SSBP2: variants seen among roughly 807,000 people sequenced by gnomAD.
The protein encoded by SSBP2 is single-stranded DNA-binding protein 2.
SSBP2 carries 17 observed loss-of-function variants against 61.8 expected under a neutral mutation model. That is an observed-to-expected ratio of 0.28 (90% CI 0.19 to 0.41). SSBP2 has a LOEUF of 0.41. SSBP2 is among the 10% of genes least tolerant of loss of function. SSBP2 has a pLI of 1.00. For missense variants in SSBP2, 310 were observed against 458.7 expected, an observed-to-expected ratio of 0.68 and a Z score of 2.96; for synonymous variants, 139 against 141.3, an observed-to-expected ratio of 0.98 and a Z score of 0.12.
chr5:81,447,328 G>T (rs1221180928), intron 11 of SSBP2, among the ~76,000 whole-genome samples: 1 of 152,106 alleles, frequency 6.6e-6, no homozygotes, highest in African/African-American at 2.4e-5. Flanking sequence ...TCTGCTTATT[G>T]ATTCATATTT....
intron 1 of SSBP2, among the ~76,000 whole-genome samples, chr5:81,654,015 A>C (rs928271008): frequency 2.7e-5 from 4 of 150,678 alleles, no homozygotes; most frequent in African/African-American, 9.7e-5. Context: ...TTTTTGAGAC[A>C]GGGTCTTGCT....
At position 81,701,845 on chromosome 5, in the gene SSBP2, T is replaced by A. The variant is rs1288760879; in HGVS notation, c.62+49136A>T. Among the ~76,000 whole-genome samples, 2 of 152,360 alleles carry A rather than the reference T, an allele frequency of 1.3e-5. 1 individual carries two copies. The highest frequency in any genetic ancestry group is 4.1e-4 in the South Asian group (2 of 4,828). On this transcript the variant is annotated intron_variant, in intron 1 of 16. Transcript: ENST00000320672. The stretch of plus-strand genomic sequence containing the variant: ...CATTATAAATCTCTAAGAAGAGATA[T>A]AAGTATGCACCATACCATAAACCTA...
chr5:81,747,188 T>C (rs1757412782), intron 1 of SSBP2, among the ~76,000 whole-genome samples: 1 of 152,208 alleles, frequency 6.6e-6, no homozygotes, highest in African/African-American at 2.4e-5. Flanking sequence ...GTCTGTCACA[T>C]CTGATTATGT....
chr5:81,692,643 T>A (rs907613150), intron 1 of SSBP2, among the ~76,000 whole-genome samples: 1 of 152,176 alleles, frequency 6.6e-6, no homozygotes, highest in African/African-American at 2.4e-5. Flanking sequence ...AGCATGGTAC[T>A]GGCATAAAAA....
intron 3 of SSBP2, among the ~76,000 whole-genome samples, chr5:81,632,260 T>C (rs1747800115): frequency 6.6e-6 from 1 of 152,228 alleles, no homozygotes; most frequent in South Asian, 2.1e-4. Context: ...CTTCCTTTTA[T>C]TTGCACATTC....
At chr5:81,645,420 T>G (rs950011382) in intron 2 of SSBP2, among the ~76,000 whole-genome samples, 1 of 152,182 alleles carries the variant, frequency 6.6e-6, no homozygotes, top group Non-Finnish European at 1.5e-5. Context: ...TCAGGCTAAC[T>G]TGTTGGCTAA....
At chr5:81,454,828 T>C (rs1191371247) in intron 10 of SSBP2, among the ~76,000 whole-genome samples, 3 of 152,084 alleles carry the variant, frequency 2.0e-5, no homozygotes, top group Non-Finnish European at 2.9e-5. Context: ...TCTGATAACA[T>C]TGGACGCAAA....
At chr5:81,631,681 T>G (rs1215421345) in intron 3 of SSBP2, among the ~76,000 whole-genome samples, 1 of 152,140 alleles carries the variant, frequency 6.6e-6, no homozygotes, top group African/African-American at 2.4e-5. Context: ...TAGAATTATT[T>G]CAAACTTTTC....
chr5:81,442,491 G>GT (rs1399861284), intron 13 of SSBP2, among the ~76,000 whole-genome samples, 162 bp downstream of exon 13: 1 of 151,864 alleles, frequency 6.6e-6, no homozygotes, highest in Admixed American at 6.6e-5. Context: ...TATGTTTACT[G>GT]TTTTTTTAAC....
chr5:81,571,253 G>GTGCT (rs1442610117), intron 4 of SSBP2, among the ~76,000 whole-genome samples: 1 of 152,162 alleles, frequency 6.6e-6, no homozygotes, highest in Admixed American at 6.5e-5. Flanking sequence ...TTTTGAATAT[G>GTGCT]TGCTTTGCTG....
intron 12 of SSBP2, chr5:81,442,931 T>A (rs1763126066): frequency 2.7e-6 from 1 of 373,086 alleles, no homozygotes; most frequent in Non-Finnish European, 4.8e-6. Context: ...GTATGAGGAA[T>A]CACTTCAATA....
chr5:81,422,335 G>T (rs1372752233), intron 16 of SSBP2, among the ~76,000 whole-genome samples: 1 of 152,082 alleles, frequency 6.6e-6, no homozygotes, highest in Non-Finnish European at 1.5e-5. Context: ...GTGAAAGCAG[G>T]ACTCCCCAGG....
At chr5:81,489,181 G>A in intron 6 of SSBP2, 69 bp downstream of exon 6, 3 of 1,289,064 alleles carry the variant, frequency 2.3e-6, no homozygotes, top group Admixed American at 2.0e-5. Context: ...TTTACAGGAT[G>A]ATAAATATAT....
At chr5:81,562,819 T>C (rs1301429777) in intron 4 of SSBP2, among the ~76,000 whole-genome samples, 2 of 152,160 alleles carry the variant, frequency 1.3e-5, no homozygotes, top group Non-Finnish European at 2.9e-5. Flanking sequence ...ATCATTAAAA[T>C]ATTTTGGTGT....
chr5:81,556,819 T>C (rs1772643398), intron 4 of SSBP2, among the ~76,000 whole-genome samples: 1 of 152,194 alleles, frequency 6.6e-6, no homozygotes. Flanking sequence ...ACTTAACTTC[T>C]CTATACCTCA....
chr5:81,441,917 G>A (rs1763065299), intron 13 of SSBP2, among the ~76,000 whole-genome samples: 1 of 152,178 alleles, frequency 6.6e-6, no homozygotes, highest in Non-Finnish European at 1.5e-5. Context: ...GGTAGGCCTA[G>A]TAGCCTGTGA....
At chr5:81,731,256 G>A (rs1209624820) in intron 1 of SSBP2, among the ~76,000 whole-genome samples, 3 of 152,136 alleles carry the variant, frequency 2.0e-5, no homozygotes, top group Non-Finnish European at 2.9e-5. Flanking sequence ...ATTCAAATAT[G>A]TTAACAGTTT....
At chr5:81,701,689 C>G (rs560623155) in intron 1 of SSBP2, among the ~76,000 whole-genome samples, 6 of 152,274 alleles carry the variant, frequency 3.9e-5, no homozygotes, top group African/African-American at 1.4e-4. Context: ...AAAACAAGCC[C>G]TCCAAAATAC....
chr5:81,592,191 C>T (rs1031260457), intron 4 of SSBP2, among the ~76,000 whole-genome samples: 12 of 152,220 alleles, frequency 7.9e-5, no homozygotes, highest in African/African-American at 2.7e-4. Context: ...GATTATATCC[C>T]GCACTTGGCT....
Sources: gnomAD v4.1 joint callset for allele counts (sites outside exome capture counted in the v4.1 genomes callset) on GRCh38, gnomAD v4.1.1 for gene constraint, MANE v1.5 for transcripts, NCBI Gene and HGNC (gene_info 2026-07-23, HGNC 2026-07-21) for gene names.